The following C1QTNF3 variants were observed in gnomAD, a reference collection of about 807,000 sequenced individuals.
The protein encoded by C1QTNF3 is complement C1q tumor necrosis factor-related protein 3.
Under a neutral mutation model 32.6 loss-of-function variants are expected in C1QTNF3, and 26 were observed. The ratio of observed to expected loss-of-function variants is 0.80; its 90% confidence interval spans 0.58 to 1.11. The LOEUF (loss-of-function observed/expected upper bound fraction) is 1.11, where lower values mean the gene tolerates loss of function less well. C1QTNF3 is among the 50% of genes least tolerant of loss of function. The probability of loss-of-function intolerance (pLI) is 0.00; values close to 1 mark genes in which losing one functional copy is unlikely to be tolerated. For synonymous variants in C1QTNF3, 155 were observed against 146.0 expected (o/e 1.06, Z -0.44); for missense variants, 362 against 398.2 (o/e 0.91, Z 0.77).
At chr5:34,097,201 C>CA in the C1QTNF3 span, among the ~76,000 whole-genome samples, 2,003 of 146,570 alleles carry the variant, frequency 0.014, 15 homozygotes, top group South Asian at 0.032. Flanking sequence ...TTAGTAGGCA[C>CA]AAAAAAAAAA....
the C1QTNF3 span, among the ~76,000 whole-genome samples, chr5:34,154,580 T>C: frequency 3.9e-5 from 6 of 152,192 alleles, no homozygotes; most frequent in Non-Finnish European, 8.8e-5. Context: ...TGAGAACTAG[T>C]TTTCAGTCAA....
the C1QTNF3 span, among the ~76,000 whole-genome samples, chr5:34,084,121 A>G: frequency 6.6e-6 from 1 of 151,728 alleles, no homozygotes; most frequent in Admixed American, 6.6e-5. Context: ...TTTCCAATTC[A>G]TGCAATACCT....
the C1QTNF3 span, among the ~76,000 whole-genome samples, chr5:34,142,104 C>T: frequency 6.6e-6 from 1 of 152,286 alleles, no homozygotes; most frequent in Admixed American, 6.5e-5. Context: ...AGCATCTGCC[C>T]AAAGGAGCCC....
the C1QTNF3 span, among the ~76,000 whole-genome samples, chr5:34,240,151 G>T: frequency 6.7e-6 from 1 of 149,032 alleles, no homozygotes; most frequent in Non-Finnish European, 1.5e-5. Context: ...TAAGAGGAAC[G>T]TTTAAATGCC....
chr5:34,157,837 T>C, the C1QTNF3 span, among the ~76,000 whole-genome samples: 2 of 152,216 alleles, frequency 1.3e-5, no homozygotes, highest in Admixed American at 6.5e-5. Context: ...TCCTAACTTA[T>C]AGATCTGTAA....
chr5:34,178,096 A>G, the C1QTNF3 span, among the ~76,000 whole-genome samples: 3 of 123,136 alleles, frequency 2.4e-5, no homozygotes, highest in African/African-American at 9.4e-5. Flanking sequence ...GTGAAACCTC[A>G]TCTCTACTAA....
the C1QTNF3 span, among the ~76,000 whole-genome samples, chr5:34,133,620 A>G: frequency 2.6e-5 from 4 of 152,240 alleles, no homozygotes; most frequent in African/African-American, 9.6e-5. Flanking sequence ...CTAAAAGGAA[A>G]CGAAGAGGCA....
At chr5:34,067,684 G>T in the C1QTNF3 span, among the ~76,000 whole-genome samples, 1 of 151,988 alleles carries the variant, frequency 6.6e-6, no homozygotes, top group South Asian at 2.1e-4. Context: ...ATTTGGATAG[G>T]GACACATTAA....
chr5:34,120,233 G>A, the C1QTNF3 span, among the ~76,000 whole-genome samples: 7 of 152,100 alleles, frequency 4.6e-5, no homozygotes, highest in Non-Finnish European at 1.0e-4. Flanking sequence ...TGATATTCAG[G>A]AACTCAAATA....
the C1QTNF3 span, among the ~76,000 whole-genome samples, chr5:34,143,942 G>A: frequency 2.6e-5 from 4 of 151,988 alleles, no homozygotes; most frequent in Non-Finnish European, 5.9e-5. Flanking sequence ...TACTAACCTT[G>A]AGTTTAAATG....
At chr5:34,077,766 G>A in the C1QTNF3 span, among the ~76,000 whole-genome samples, 1,955 of 151,534 alleles carry the variant, frequency 0.013, 119 homozygotes, top group African/African-American at 0.046. Context: ...ACTGTCCCCT[G>A]ACAGTGTAAC....
At chr5:34,243,281 C>G in the C1QTNF3 span, among the ~76,000 whole-genome samples, 4 of 152,140 alleles carry the variant, frequency 2.6e-5, no homozygotes, top group African/African-American at 9.7e-5. Flanking sequence ...ACATCAGTCA[C>G]AATAGCTATA....
upstream of C1QTNF3, among the ~76,000 whole-genome samples, chr5:34,044,634 C>A (rs745900): frequency 5.2e-3 from 795 of 152,298 alleles, 25 homozygotes; most frequent in East Asian, 0.046. Flanking sequence ...CTTCCAGAGT[C>A]CACACTTATA....
the C1QTNF3 span, among the ~76,000 whole-genome samples, chr5:34,177,653 A>C: frequency 6.7e-6 from 1 of 149,730 alleles, no homozygotes; most frequent in Non-Finnish European, 1.5e-5. Context: ...CACCCAGCTA[A>C]TTTCTGTGTT....
chr5:34,044,529 G>T (rs1036131815), upstream of C1QTNF3, among the ~76,000 whole-genome samples: 47 of 152,172 alleles, frequency 3.1e-4, no homozygotes, highest in African/African-American at 1.1e-3. Flanking sequence ...TGCCCCCATT[G>T]CTCAGCCAAG....
chr5:34,220,337 T>A, the C1QTNF3 span, among the ~76,000 whole-genome samples: 1 of 152,078 alleles, frequency 6.6e-6, no homozygotes, highest in East Asian at 1.9e-4. Flanking sequence ...GAGATGCCAT[T>A]TTATTGTAAG....
At chr5:34,171,688 T>G in the C1QTNF3 span, among the ~76,000 whole-genome samples, 1 of 152,146 alleles carries the variant, frequency 6.6e-6, no homozygotes, top group Non-Finnish European at 1.5e-5. Context: ...TTCCTTCTAT[T>G]CAAATGACAT....
the C1QTNF3 span, among the ~76,000 whole-genome samples, chr5:34,107,738 G>A: frequency 2.6e-5 from 4 of 151,930 alleles, no homozygotes; most frequent in Admixed American, 2.6e-4. Flanking sequence ...TGTTCTTTAG[G>A]TCAACTTCCT....
the C1QTNF3 span, among the ~76,000 whole-genome samples, chr5:34,112,395 C>T: frequency 5.3e-5 from 8 of 151,710 alleles, no homozygotes; most frequent in African/African-American, 9.7e-5. Flanking sequence ...TGCAGTGGCT[C>T]ATACCTATAA....
Sources: allele counts gnomAD v4.1 joint callset (sites outside exome capture counted in the v4.1 genomes callset), GRCh38; gene constraint gnomAD v4.1.1; transcripts MANE v1.5; gene names NCBI Gene and HGNC (gene_info 2026-07-23, HGNC 2026-07-21).